Variants in CCDC154 observed in about 807,000 individuals in gnomAD.
CCDC154 encodes the protein coiled-coil domain-containing protein 154.
Under a neutral mutation model 87.5 loss-of-function variants are expected in CCDC154, and 91 were observed. That is an observed-to-expected ratio of 1.04 (90% CI 0.88 to 1.24). CCDC154 has a LOEUF of 1.24. Among genes scored for constraint, CCDC154 ranks in the 50% most tolerant of loss-of-function variants. CCDC154 has a pLI of 0.00. For missense variants in CCDC154, 903 were observed against 879.2 expected (o/e 1.03, Z -0.34); for synonymous variants, 418 against 400.4 (o/e 1.04, Z -0.52).
chr16:1,435,034 G>A, intron 15 of CCDC154, 55 bp downstream of exon 15: 4 of 1,511,884 alleles, frequency 2.6e-6, no homozygotes, highest in South Asian at 2.4e-5. Flanking sequence ...GGAGGCGGCA[G>A]GGCTGAGGGA....
Position 1,442,401 on chromosome 16 carries a change from G to A in CCDC154, c.675+5C>T. 2 of 1,545,800 alleles carry A rather than the reference G, an allele frequency of 1.3e-6. No homozygotes were observed. Among genetic ancestry groups the A allele is most frequent in the Middle Eastern group, 1.7e-4 (1 of 5,944 alleles). Reference sequence around the variant, plus strand: ...GGCCCCCCTGAAGCCTGGGCCTGGTGGTACCTGCATTCTGGCCACCTCCAG... The same window carrying A: ...GGCCCCCCTGAAGCCTGGGCCTGGTAGTACCTGCATTCTGGCCACCTCCAG... On this transcript the variant is annotated splice_donor_5th_base_variant and intron_variant, in intron 6 of 16. Coordinates refer to ENST00000389176, the MANE Select transcript of CCDC154 (RefSeq NM_001143980.3).
At chr16:1,437,335 C>T (rs1302020683) in intron 11 of CCDC154, 1 of 178,448 alleles carries the variant, frequency 5.6e-6, no homozygotes, top group African/African-American at 2.4e-5. Context: ...CAGGGAGGGG[C>T]CCAGCGGTCG....
In CCDC154 at chr16:1,444,359, G is replaced by A. The variant is rs1319447799; in HGVS notation, c.-37C>T. On this transcript the variant is annotated 5_prime_UTR_variant, in exon 1 of 17. Coordinates refer to ENST00000389176, the MANE Select transcript of CCDC154 (RefSeq NM_001143980.3). ...TGCACCGGCCACCCTGCCCTCGGCT[G>A]TAGCTTGGGCCTTGGGGCCTCTGAG... 3.1e-6 allele frequency: 4 copies of A among 1,297,720 alleles called. No individual in the cohort carries two copies. Among genetic ancestry groups the A allele is most frequent in the East Asian group, 5.5e-5 (1 of 18,024 alleles). 80.4% of individuals were successfully genotyped at this position (1,297,720 alleles called of 1,614,324 possible). A position where few individuals can be genotyped will look rare whatever the true frequency, so the allele number is the denominator to read the frequency against.
Position 1,444,515 on chromosome 16 carries a change from G to C in CCDC154, c.-193C>G. 2.5e-6 allele frequency: 1 copy of C among 405,376 alleles called. No homozygotes were observed. The highest frequency in any genetic ancestry group is 4.4e-6 in the Non-Finnish European group (1 of 228,662). 25.1% of individuals were successfully genotyped at this position (405,376 alleles called of 1,614,324 possible). Reference sequence around the variant, plus strand: ...TCAGGGTCCCCAGGGAGGCAGGTGTGGGGCAGCGGGGCCGTTCCAGAACCT... The same window carrying C: ...TCAGGGTCCCCAGGGAGGCAGGTGTCGGGCAGCGGGGCCGTTCCAGAACCT... On this transcript the variant is annotated 5_prime_UTR_variant, in exon 1 of 17. Coordinates refer to ENST00000389176, the MANE Select transcript of CCDC154 (RefSeq NM_001143980.3).
intron 5 of CCDC154, 76 bp downstream of exon 5, chr16:1,442,804 G>A (rs754784526): frequency 2.0e-4 from 285 of 1,401,908 alleles, no homozygotes; most frequent in Middle Eastern, 7.1e-4. Flanking sequence ...AGGGGGACCC[G>A]TGTCTTGGCT....
At chr16:1,443,145 A>C in intron 4 of CCDC154, 116 bp downstream of exon 4, 1 of 1,382,390 alleles carries the variant, frequency 7.2e-7, no homozygotes, top group Admixed American at 2.2e-5. Flanking sequence ...CTGGATGTGT[A>C]TCCCCCACTC....
intron 5 of CCDC154, 104 bp from the exon 6 acceptor site, chr16:1,442,633 C>A: frequency 7.7e-7 from 1 of 1,292,514 alleles, no homozygotes; most frequent in Non-Finnish European, 1.0e-6. Context: ...GACCCCCGCC[C>A]CCTGCCCCAC....
In CCDC154 at chr16:1,443,677, G is replaced by A. The variant is rs572090430; in HGVS notation, c.243C>T (p.Ala81=). The A allele has an allele frequency of 2.6e-5, 34 of 1,293,010 alleles. No homozygotes were observed. In the East Asian group the frequency reaches 6.5e-4, roughly 25 times the overall value. The allele number at this position is 1,293,010 out of a possible 1,614,324, so 80.1% of individuals were successfully genotyped here. ...TGTGCTCCCGCAGGCAGGCCACCTC[G>A]GCCTGCAGCTCCACCACCCTGGCCG... ...QLEQWVVELQ[A]EVACLREHKQ... is the part of the protein sequence containing the mutation. The change falls in exon 3 of 17, where the codon GCC becomes GCT. Residue 81 remains alanine (A), a synonymous_variant. Transcript: ENST00000389176.
intron 14 of CCDC154, 132 bp downstream of exon 14, chr16:1,435,837 G>A: frequency 3.8e-6 from 3 of 780,352 alleles, no homozygotes. Flanking sequence ...CCGACAGGTG[G>A]TTTTCTGAGC....
At chr16:1,437,055 C>T (rs1043999860) in intron 11 of CCDC154, 9 of 540,936 alleles carry the variant, frequency 1.7e-5, no homozygotes, top group East Asian at 1.3e-4. Context: ...CACAGGTGCC[C>T]GAGGGAGGCA....
chr16:1,435,911 G>T (rs540054090), intron 14 of CCDC154, 58 bp downstream of exon 14: 1 of 1,422,854 alleles, frequency 7.0e-7, no homozygotes, highest in Non-Finnish European at 9.6e-7. Flanking sequence ...CGGCTGCCCC[G>T]TCTGAACCTG....
At chr16:1,435,033 A>G in intron 15 of CCDC154, 56 bp downstream of exon 15, 4 of 1,506,412 alleles carry the variant, frequency 2.7e-6, no homozygotes, top group Non-Finnish European at 2.7e-6. Flanking sequence ...GGGAGGCGGC[A>G]GGGCTGAGGG....
At chr16:1,437,721 T>C in intron 11 of CCDC154, 96 bp downstream of exon 11, 1 of 1,382,868 alleles carries the variant, frequency 7.2e-7, no homozygotes, top group Non-Finnish European at 9.5e-7. Flanking sequence ...GGGACCGGCC[T>C]GTCAGGCCTC....
rs1596202184 is a variant in CCDC154, at chr16:1,435,166, G to T, written c.1615C>A (p.Gln539Lys). The change falls in exon 15 of 17, where the codon CAA (glutamine) becomes AAA (lysine). Residue 539 changes from glutamine to lysine, a missense_variant. By Grantham distance (53) the Gln-to-Lys change is moderately conservative. Transcript: ENST00000389176. ...ACGCAGTTTTCCAGCTTCATTATTT[G>T]GTTCTGAAACTAAACATGGCCCCCA... is the stretch of plus-strand genomic sequence containing the variant. ...MQGKLATFQN[Q>K]IMKLENCVQA... is the part of the protein sequence containing the mutation. 3 of 1,550,538 alleles carry T rather than the reference G, an allele frequency of 1.9e-6. No individual in the cohort carries two copies. Among genetic ancestry groups the T allele is most frequent in the Non-Finnish European group, 2.6e-6 (3 of 1,146,840 alleles).
intron 15 of CCDC154, 86 bp downstream of exon 15, chr16:1,435,003 C>A (rs866361386): frequency 6.9e-7 from 1 of 1,445,634 alleles, no homozygotes; most frequent in Non-Finnish European, 9.4e-7. Context: ...CAGACACTGG[C>A]GCCTGCAGCA....
At position 1,443,982 on chromosome 16, in the gene CCDC154, G is replaced by A. The variant is rs186162819; in HGVS notation, c.38C>T (p.Ser13Leu). 3.2e-3 allele frequency: 4,174 copies of A among 1,301,798 alleles called. 23 individuals carry two copies. Among genetic ancestry groups the A allele is most frequent in the Non-Finnish European group, 3.3e-3 (3,278 of 988,918 alleles). The allele number at this position is 1,301,798 out of a possible 1,614,324, so 80.6% of individuals were successfully genotyped here. The stretch of plus-strand genomic sequence containing the variant: ...GACGGCTCTCAGCTGGGAAGGGGCC[G>A]ATGCCCCTGAGGGTCCACTGTCAGC... The part of the protein sequence containing the change: ...ELADSGPSGA[S>L]APSQLRAVTL... The change falls in exon 2 of 17, where the codon TCG (serine) becomes TTG (leucine). Residue 13 changes from serine to leucine, a missense_variant. Physicochemically the swap from Ser to Leu is moderately radical, Grantham distance 145. Coordinates refer to ENST00000389176, the MANE Select transcript of CCDC154 (RefSeq NM_001143980.3).
Position 1,443,527 on chromosome 16 carries a change from G to T in CCDC154, c.393C>A (p.Ala131=). 2 of 1,478,660 alleles carry T rather than the reference G, an allele frequency of 1.4e-6. No individual in the cohort carries two copies. Among genetic ancestry groups the T allele is most frequent in the Non-Finnish European group, 1.8e-6 (2 of 1,122,964 alleles). 91.6% of individuals were successfully genotyped at this position (1,478,660 alleles called of 1,614,324 possible). Residue 131 remains alanine, a synonymous_variant, in exon 3 of 17, where the codon GCC becomes GCA. Transcript: ENST00000389176. The stretch of plus-strand genomic sequence containing the variant: ...TCACCTCCGGCGCCTCCTTTTCGGG[G>T]GCCTGGGCTGCCGGCCGCGCCTCCT... The part of the protein sequence containing the change: ...LQQEARPAAQ[A]PEKEAPEFSG...
At chr16:1,436,422 C>T (rs1239713071) in intron 13 of CCDC154, 23 bp downstream of exon 13, 3 of 1,537,438 alleles carry the variant, frequency 2.0e-6, no homozygotes, top group Non-Finnish European at 2.6e-6. Context: ...CCCTGCCCCT[C>T]TCCCAGGGCC....
Position 1,442,485 on chromosome 16 carries a change from C to T in CCDC154, c.596G>A (p.Arg199Gln), listed in dbSNP as rs531315754. ...TDLLQQEEQGREVACGALQKN... is the reference protein window; with the variant it reads ...TDLLQQEEQGQEVACGALQKN... ...CTGCAGGGCGCCGCAGGCCACCTCC[C>T]GGCCCTGCTCCTCCTGCTGCAGCAA... The change falls in exon 6 of 17, where the codon CGG becomes CAG. Residue 199 changes from arginine (R) to glutamine (Q), a missense_variant. Physicochemically the swap from Arg to Gln is conservative, Grantham distance 43 (BLOSUM62 1). Transcript: ENST00000389176. The T allele has an allele frequency of 1.5e-5, 23 of 1,549,892 alleles. No individual in the cohort carries two copies. Among genetic ancestry groups the T allele is most frequent in the Middle Eastern group, 1.7e-4 (1 of 5,986 alleles).
Sources: gnomAD v4.1 joint callset for allele counts on GRCh38, gnomAD v4.1.1 for gene constraint, MANE v1.5 for transcripts, NCBI Gene and HGNC (gene_info 2026-07-23, HGNC 2026-07-21) for gene names.